The following UQCRC2 variants were observed in gnomAD, a reference collection of about 807,000 sequenced individuals.
The protein encoded by UQCRC2 is cytochrome b-c1 complex subunit 2, mitochondrial.
UQCRC2 carries 49 observed loss-of-function variants against 55.6 expected under a neutral mutation model. That is an observed-to-expected ratio of 0.88 (90% CI 0.70 to 1.12). The LOEUF is 1.12. Ranked by LOEUF, UQCRC2 falls within the 50% of genes most tolerant of loss-of-function variation. The pLI is 0.00. For synonymous variants in UQCRC2, 193 were observed against 192.0 expected (o/e 1.01, Z -0.04); for missense variants, 506 against 547.8 (o/e 0.92, Z 0.76).
At position 21,976,341 on chromosome 16, in the gene UQCRC2, G is replaced by A; in HGVS notation, c.1124+98G>A. Reference sequence around the variant, plus strand: ...ATTACAATCTATGCTCATAAGGACTGAGAAGTACAGAAAAGCGTAAAAAGG... The same window carrying A: ...ATTACAATCTATGCTCATAAGGACTAAGAAGTACAGAAAAGCGTAAAAAGG... On this transcript the variant is annotated intron_variant, in intron 12 of 13. Coordinates refer to ENST00000268379, the MANE Select transcript of UQCRC2 (RefSeq NM_003366.4). The A allele has an allele frequency of 1.2e-5, 12 of 1,030,498 alleles. No homozygotes were observed. The South Asian group carries it at 1.6e-4, about 13-fold the overall frequency. The allele number at this position is 1,030,498 out of a possible 1,614,324, so 63.8% of individuals were successfully genotyped here.
Position 21,983,322 on chromosome 16 carries a change from T to C in UQCRC2, c.*151T>C. 1 of 616,202 alleles carries C rather than the reference T, an allele frequency of 1.6e-6. No homozygotes were observed. Among genetic ancestry groups the C allele is most frequent in the Non-Finnish European group, 2.7e-6 (1 of 363,808 alleles). 38.2% of individuals were successfully genotyped at this position (616,202 alleles called of 1,614,324 possible). A position where few individuals can be genotyped will look rare whatever the true frequency, so the allele number is the denominator to read the frequency against. On this transcript the variant is annotated 3_prime_UTR_variant, in exon 14 of 14. Transcript: ENST00000268379. ...TGCAGGTAATTATTCCCAGCTGACC[T>C]AAAGTCAATAAAACATTCTGTTTAA...
chr16:21,978,914 A>G (rs1405130795), intron 12 of UQCRC2, among the ~76,000 whole-genome samples: 32 of 152,210 alleles, frequency 2.1e-4, no homozygotes, highest in Admixed American at 2.1e-3. Flanking sequence ...GCTGAAGTGG[A>G]TATCACAGAA....
intron 1 of UQCRC2, 111 bp from the exon 2 acceptor site, chr16:21,957,124 T>A (rs1324625462): frequency 1.1e-6 from 1 of 943,802 alleles, no homozygotes; most frequent in Non-Finnish European, 1.6e-6. Flanking sequence ...TGGTTATTGC[T>A]CCTTCCACCC....
At chr16:21,980,215 A>G (rs1191674217) in intron 12 of UQCRC2, 1 of 249,264 alleles carries the variant, frequency 4.0e-6, no homozygotes, top group Non-Finnish European at 8.0e-6. Flanking sequence ...AGATTGCACA[A>G]CCGGATCCAG....
At chr16:21,977,928 G>A (rs1240745978) in intron 12 of UQCRC2, among the ~76,000 whole-genome samples, 1 of 152,160 alleles carries the variant, frequency 6.6e-6, no homozygotes, top group African/African-American at 2.4e-5. Context: ...ACCAAGAATC[G>A]ATAGGATGCA....
chr16:21,968,795 AT>A (rs1347051413), intron 8 of UQCRC2, 110 bp downstream of exon 8: 1 of 899,088 alleles, frequency 1.1e-6, no homozygotes, highest in Non-Finnish European at 1.6e-6. Flanking sequence ...TCGGCCTTCT[AT>A]TTATGTCAGA....
chr16:21,968,702 G>T lies in UQCRC2; in HGVS notation c.670+17G>T. On this transcript the variant is annotated intron_variant, in intron 8 of 13. Transcript: ENST00000268379. ...TTGGACTTGGTAAGTTTAGAGTATT[G>T]CCTGCCTGTCAGTTTGCTTCCTTAA... is the stretch of plus-strand genomic sequence containing the variant. 1.3e-6 allele frequency: 2 copies of T among 1,596,692 alleles called. No individual in the cohort carries two copies. The highest frequency in any genetic ancestry group is 1.7e-6 in the Non-Finnish European group (2 of 1,171,262).
At chr16:21,968,736 C>T (rs746691349) in intron 8 of UQCRC2, 51 bp downstream of exon 8, 30 of 1,514,670 alleles carry the variant, frequency 2.0e-5, no homozygotes, top group Non-Finnish European at 2.4e-5. Flanking sequence ...AAGAGCAGTT[C>T]CTTAAACTGT....
chr16:21,956,333 C>T (rs1898086037), intron 1 of UQCRC2, among the ~76,000 whole-genome samples: 1 of 152,036 alleles, frequency 6.6e-6, no homozygotes, highest in Non-Finnish European at 1.5e-5. Flanking sequence ...TGCCTGAGCT[C>T]AGGAGTTTGA....
At chr16:21,965,378 T>C (rs530529626) in intron 6 of UQCRC2, 30 bp from the exon 7 acceptor site, 2 of 1,605,540 alleles carry the variant, frequency 1.2e-6, no homozygotes, top group South Asian at 2.2e-5. Flanking sequence ...AAAGTGCATT[T>C]CCCTAAATGC....
In UQCRC2 at chr16:21,981,584, T is replaced by C. The variant is rs145363620; in HGVS notation, c.1278+884T>C. 1.4e-3 allele frequency among the ~76,000 whole-genome samples: 219 copies of C among 151,970 alleles called. 2 individuals carry two copies. In the East Asian group the frequency reaches 0.034, roughly 24 times the overall value. On this transcript the variant is annotated intron_variant, in intron 13 of 13. Transcript: ENST00000268379. ...GACTGGGCAATGTAGCAAAACCCCATCTCTACAAAAAAGTACAAAAATTAG... is the reference window on the plus strand; with the variant it reads ...GACTGGGCAATGTAGCAAAACCCCACCTCTACAAAAAAGTACAAAAATTAG...
intron 3 of UQCRC2, 116 bp from the exon 4 acceptor site, chr16:21,958,419 G>A (rs762524479): frequency 2.5e-5 from 22 of 870,574 alleles, no homozygotes; most frequent in Non-Finnish European, 3.7e-5. Context: ...TAAAAAGGAT[G>A]CAGGAATTTA....
intron 12 of UQCRC2, 81 bp downstream of exon 12, chr16:21,976,324 C>G: frequency 3.3e-6 from 4 of 1,227,620 alleles, no homozygotes; most frequent in Non-Finnish European, 3.6e-6. Flanking sequence ...ATATTACAAT[C>G]TATGCTCATA....
chr16:21,979,932 A>G (rs1474266589), intron 12 of UQCRC2, among the ~76,000 whole-genome samples: 1 of 152,196 alleles, frequency 6.6e-6, no homozygotes, highest in Non-Finnish European at 1.5e-5. Flanking sequence ...GGCTAGTGAT[A>G]TGCAGTACAT....
chr16:21,965,910 T>G (rs1017489185), intron 7 of UQCRC2, among the ~76,000 whole-genome samples: 2 of 152,140 alleles, frequency 1.3e-5, no homozygotes, highest in Non-Finnish European at 2.9e-5. Flanking sequence ...TCTTGAACTC[T>G]TAAGCTCAAG....
chr16:21,962,987 T>C, intron 6 of UQCRC2, 102 bp downstream of exon 6: 1 of 1,364,584 alleles, frequency 7.3e-7, no homozygotes, highest in Non-Finnish European at 9.7e-7. Flanking sequence ...TTATTTTTAT[T>C]TTTATTTATT....
chr16:21,960,407 A>G (rs1460210590), intron 4 of UQCRC2, among the ~76,000 whole-genome samples: 1 of 152,230 alleles, frequency 6.6e-6, no homozygotes, highest in Non-Finnish European at 1.5e-5. Context: ...GAGTTAGGGC[A>G]TTGCTCTGGA....
chr16:21,965,657 A>C (rs1816497258), intron 7 of UQCRC2, 152 bp downstream of exon 7: 2 of 577,022 alleles, frequency 3.5e-6, no homozygotes, highest in Admixed American at 7.6e-5. Flanking sequence ...TTTAACTAAA[A>C]TTTTATCTGA....
intron 4 of UQCRC2, 100 bp downstream of exon 4, chr16:21,958,699 C>A: frequency 3.0e-6 from 3 of 1,011,702 alleles, no homozygotes; most frequent in Non-Finnish European, 4.5e-6. Context: ...ATTTCTTAAG[C>A]AACATAAGAA....
Sources: allele counts gnomAD v4.1 joint callset (sites outside exome capture counted in the v4.1 genomes callset), GRCh38; gene constraint gnomAD v4.1.1; transcripts MANE v1.5; gene names NCBI Gene and HGNC (gene_info 2026-07-23, HGNC 2026-07-21).